Variants in HPSE2 observed in about 807,000 individuals in gnomAD.
HPSE2 encodes the protein heparanase 2 (inactive), also known as inactive heparanase-2.
Under a neutral mutation model 60.5 loss-of-function variants are expected in HPSE2, and 38 were observed. That is an observed-to-expected ratio of 0.63 (90% CI 0.48 to 0.82). The LOEUF is 0.82. Among genes scored for constraint, HPSE2 ranks in the 40% least tolerant of loss-of-function variants. The probability of loss-of-function intolerance (pLI) is 0.00; values close to 1 mark genes in which losing one functional copy is unlikely to be tolerated. For synonymous variants in HPSE2, 295 were observed against 293.2 expected, an observed-to-expected ratio of 1.01 and a Z score of -0.06; for missense variants, 713 against 740.4, an observed-to-expected ratio of 0.96 and a Z score of 0.43.
the HPSE2 span, among the ~76,000 whole-genome samples, chr10:99,255,559 C>CACAT: frequency 1.3e-5 from 1 of 78,466 alleles, no homozygotes; most frequent in Admixed American, 1.1e-4. Flanking sequence ...CACGCATGCA[C>CACAT]ACATACACAC....
intron 9 of HPSE2, among the ~76,000 whole-genome samples, chr10:98,498,853 T>C (rs1168194757): frequency 1.3e-5 from 2 of 152,048 alleles, no homozygotes; most frequent in Non-Finnish European, 2.9e-5. Context: ...AATTGCAAAA[T>C]GTTCTGGAAA....
intron 3 of HPSE2, among the ~76,000 whole-genome samples, chr10:99,136,190 A>G (rs969311763): frequency 2.0e-5 from 3 of 152,232 alleles, no homozygotes; most frequent in African/African-American, 7.2e-5. Flanking sequence ...CTAAACCAGG[A>G]AGAAGTCGAA....
intron 3 of HPSE2, among the ~76,000 whole-genome samples, chr10:98,790,885 T>A (rs1426573978): frequency 5.9e-5 from 9 of 152,252 alleles, no homozygotes; most frequent in Non-Finnish European, 1.5e-5. Context: ...CTGCAGTGAC[T>A]AAAAGATTAG....
chr10:98,738,789 T>C (rs1949421622), intron 4 of HPSE2, among the ~76,000 whole-genome samples: 1 of 152,150 alleles, frequency 6.6e-6, no homozygotes, highest in South Asian at 2.1e-4. Context: ...TTCATGCCAG[T>C]TAGAATTATG....
At chr10:99,297,957 T>C in the HPSE2 span, among the ~76,000 whole-genome samples, 1 of 152,208 alleles carries the variant, frequency 6.6e-6, no homozygotes, top group Non-Finnish European at 1.5e-5. Flanking sequence ...GAAGTATTAT[T>C]TTCTTAATTG....
At chr10:99,128,820 A>G (rs7918785) in intron 3 of HPSE2, among the ~76,000 whole-genome samples, 74,361 of 151,930 alleles carry the variant, frequency 0.49, 20,807 homozygotes, top group East Asian at 0.65. Flanking sequence ...TATCCTGCAC[A>G]TGTATCCCAG....
intron 2 of HPSE2, among the ~76,000 whole-genome samples, chr10:99,208,989 C>T (rs1446415779): frequency 6.6e-6 from 1 of 151,968 alleles, no homozygotes; most frequent in Non-Finnish European, 1.5e-5. Flanking sequence ...ATTGCAGCAC[C>T]TAAATATATA....
At chr10:98,621,179 T>C (rs545486218) in intron 7 of HPSE2, among the ~76,000 whole-genome samples, 1 of 152,196 alleles carries the variant, frequency 6.6e-6, no homozygotes, top group East Asian at 1.9e-4. Context: ...TCGTGGGAGA[T>C]TTATTTTATA....
intron 3 of HPSE2, among the ~76,000 whole-genome samples, chr10:98,960,996 GT>G (rs2032924810): frequency 1.3e-5 from 1 of 74,782 alleles, no homozygotes; most frequent in Non-Finnish European, 2.5e-5. Flanking sequence ...GCGGTGTTTG[GT>G]TTTTTGTTCT....
intron 6 of HPSE2, among the ~76,000 whole-genome samples, chr10:98,646,900 A>T (rs1485050679): frequency 1.3e-5 from 2 of 152,248 alleles, no homozygotes; most frequent in Non-Finnish European, 2.9e-5. Flanking sequence ...AGAGAAGCTC[A>T]TTGCAACATT....
At chr10:99,031,289 A>T (rs1373118870) in intron 3 of HPSE2, among the ~76,000 whole-genome samples, 1 of 152,134 alleles carries the variant, frequency 6.6e-6, no homozygotes, top group African/African-American at 2.4e-5. Context: ...CAAAATTTAA[A>T]ATTAAAAAAA....
At chr10:98,626,012 G>A (rs941155431) in intron 7 of HPSE2, among the ~76,000 whole-genome samples, 10 of 151,670 alleles carry the variant, frequency 6.6e-5, no homozygotes, top group Non-Finnish European at 2.9e-5. Flanking sequence ...AGCCTGAGGC[G>A]GAAGAACTGC....
At chr10:98,837,683 C>T (rs1311030556) in intron 3 of HPSE2, among the ~76,000 whole-genome samples, 1 of 150,968 alleles carries the variant, frequency 6.6e-6, no homozygotes, top group Non-Finnish European at 1.5e-5. Flanking sequence ...GACCATTCTG[C>T]CTAACACGGT....
At chr10:98,792,597 A>T (rs1565165883) in intron 3 of HPSE2, among the ~76,000 whole-genome samples, 1 of 151,524 alleles carries the variant, frequency 6.6e-6, no homozygotes, top group African/African-American at 2.4e-5. Context: ...ATTTTTGTAC[A>T]TTTAAAAGAG....
intron 3 of HPSE2, among the ~76,000 whole-genome samples, chr10:98,992,107 C>T (rs562801161): frequency 1.3e-5 from 2 of 152,178 alleles, no homozygotes; most frequent in East Asian, 1.9e-4. Context: ...CAAAATGTGA[C>T]TATATATTCA....
intron 6 of HPSE2, among the ~76,000 whole-genome samples, chr10:98,644,481 G>A (rs1041738113): frequency 6.6e-6 from 1 of 152,170 alleles, no homozygotes; most frequent in African/African-American, 2.4e-5. Context: ...GCAGAGGCAG[G>A]GATGGAGATG....
At chr10:98,471,004 GCA>G (rs371545416) in intron 11 of HPSE2, among the ~76,000 whole-genome samples, 88 of 152,178 alleles carry the variant, frequency 5.8e-4, no homozygotes, top group African/African-American at 2.0e-3. Flanking sequence ...CCTCTAATCG[GCA>G]CAGTGATCTC....
chr10:98,655,778 A>G (rs1387551898), intron 6 of HPSE2, among the ~76,000 whole-genome samples: 1 of 145,958 alleles, frequency 6.9e-6, no homozygotes, highest in African/African-American at 2.5e-5. Context: ...AATATGATCA[A>G]TTACTTTGGT....
chr10:98,716,729 T>G (rs1435403268), intron 5 of HPSE2, among the ~76,000 whole-genome samples: 1 of 152,076 alleles, frequency 6.6e-6, no homozygotes, highest in African/African-American at 2.4e-5. Context: ...GCTTAAAAAA[T>G]TAATTTCTTT....
Sources: gnomAD v4.1 joint callset for allele counts (sites outside exome capture counted in the v4.1 genomes callset) on GRCh38, gnomAD v4.1.1 for gene constraint, MANE v1.5 for transcripts, NCBI Gene and HGNC (gene_info 2026-07-23, HGNC 2026-07-21) for gene names.